The following TCF3 variants were observed in gnomAD, a reference collection of about 807,000 sequenced individuals.
TCF3 encodes transcription factor E2-alpha.
TCF3 carries 54 observed loss-of-function variants against 72.3 expected under a neutral mutation model. The observed-to-expected ratio is 0.75, with a 90% CI of 0.60 to 0.94. The LOEUF (loss-of-function observed/expected upper bound fraction) is 0.94, where lower values mean the gene tolerates loss of function less well. Among genes scored for constraint, TCF3 ranks in the 40% least tolerant of loss-of-function variants. The pLI, the probability that TCF3 is intolerant of heterozygous loss-of-function variation, is 0.00. For missense variants in TCF3, 1,078 were observed against 934.4 expected, an observed-to-expected ratio of 1.15 and a Z score of -2.00; for synonymous variants, 525 against 412.6, an observed-to-expected ratio of 1.27 and a Z score of -3.30.
In TCF3 at chr19:1,611,451, G is replaced by C. The variant is rs2060976856; in HGVS notation, c.*256C>G. The C allele has an allele frequency of 2.1e-6, 1 of 480,800 alleles. No homozygotes were observed. The highest frequency in any genetic ancestry group is 2.0e-5 in the African/African-American group (1 of 50,654). 29.8% of individuals were successfully genotyped at this position (480,800 alleles called of 1,614,324 possible). A position where few individuals can be genotyped will look rare whatever the true frequency, so the allele number is the denominator to read the frequency against. ...CAGGATCCATGGGACAGGTCACAGAGTGACACGGTGGCTGAGATTCGGGGA... is the reference window on the plus strand; with the variant it reads ...CAGGATCCATGGGACAGGTCACAGACTGACACGGTGGCTGAGATTCGGGGA... On this transcript the variant is annotated 3_prime_UTR_variant, in exon 19 of 19. Coordinates refer to ENST00000262965, the MANE Select transcript of TCF3 (RefSeq NM_003200.5).
intron 3 of TCF3, among the ~76,000 whole-genome samples, chr19:1,636,181 T>G (rs2064378674): frequency 6.6e-6 from 1 of 152,070 alleles, no homozygotes; most frequent in Non-Finnish European, 1.5e-5. Flanking sequence ...TTCTTTTGCT[T>G]TGAGACAGGG....
chr19:1,652,280 C>T lies in TCF3; in HGVS notation c.-40+20G>A, dbSNP rs965216894. On this transcript the variant is annotated intron_variant, in intron 1 of 18. Coordinates refer to ENST00000262965, the MANE Select transcript of TCF3 (RefSeq NM_003200.5). ...AGCACGGGGGTACCGGGCGCGCCCC[C>T]CGCCCCCCGCCGGGCTCACCTGCTG... 8 of 146,676 alleles carry T rather than the reference C, an allele frequency of 5.5e-5. No individual in the cohort carries two copies. Among genetic ancestry groups the T allele is most frequent in the African/African-American group, 1.7e-4 (7 of 40,474 alleles). The allele number at this position is 146,676 out of a possible 1,614,324, so 9.1% of individuals were successfully genotyped here. A position where few individuals can be genotyped will look rare whatever the true frequency, so the allele number is the denominator to read the frequency against.
chr19:1,613,111 C>G (rs2061203417), intron 18 of TCF3, among the ~76,000 whole-genome samples: 1 of 152,018 alleles, frequency 6.6e-6, no homozygotes, highest in African/African-American at 2.4e-5. Context: ...AGTGGGGGTA[C>G]ACGGCTGGTG....
At position 1,652,365 on chromosome 19, in the gene TCF3, C is replaced by G. The variant is rs1372355901; in HGVS notation, c.-105G>C. 2.8e-5 allele frequency: 4 copies of G among 143,930 alleles called. No individual in the cohort carries two copies. The highest frequency in any genetic ancestry group is 6.8e-5 in the Admixed American group (1 of 14,642). The allele number at this position is 143,930 out of a possible 1,614,324, so 8.9% of individuals were successfully genotyped here. A position where few individuals can be genotyped will look rare whatever the true frequency, so the allele number is the denominator to read the frequency against. On this transcript the variant is annotated 5_prime_UTR_variant, in exon 1 of 19. Transcript: ENST00000262965. ...GGCGGCATGAAGCGGGGGGGCCCCCCCCCGGACAAAGGTGCGTCGCGGCCG... is the reference window on the plus strand; with the variant it reads ...GGCGGCATGAAGCGGGGGGGCCCCCGCCCGGACAAAGGTGCGTCGCGGCCG...
At chr19:1,620,507 G>A (rs941344705) in intron 13 of TCF3, among the ~76,000 whole-genome samples, 1 of 152,208 alleles carries the variant, frequency 6.6e-6, no homozygotes, top group Non-Finnish European at 1.5e-5. Context: ...CTAGAGTCCA[G>A]GCCACAGCCC....
At position 1,620,989 on chromosome 19, in the gene TCF3, C is replaced by A. The variant is rs2146079662; in HGVS notation, c.1072G>T (p.Gly358Cys). The stretch of plus-strand genomic sequence containing the variant: ...AGACCTGCCAGGCCCTGGGGGGAGC[C>A]CACGGGGGTAGAAGGGCTGGACGAG... ...NFSSSPSTPV[G>C]SPQGLAGTSQ... The change falls in exon 13 of 19, where the codon GGC becomes TGC. Residue 358 changes from glycine to cysteine, a missense_variant. Coordinates refer to ENST00000262965, the MANE Select transcript of TCF3 (RefSeq NM_003200.5). The A allele has an allele frequency of 6.6e-7, 1 of 1,515,908 alleles. No individual in the cohort carries two copies. Among genetic ancestry groups the A allele is most frequent in the East Asian group, 2.5e-5 (1 of 39,580 alleles). 93.9% of individuals were successfully genotyped at this position (1,515,908 alleles called of 1,614,324 possible). A position where few individuals can be genotyped will look rare whatever the true frequency, so the allele number is the denominator to read the frequency against.
At chr19:1,623,356 G>C (rs896181329) in intron 8 of TCF3, among the ~76,000 whole-genome samples, 4 of 151,876 alleles carry the variant, frequency 2.6e-5, no homozygotes, top group African/African-American at 7.3e-5. Context: ...GGATGTAACA[G>C]GGAGCCCCAA....
At chr19:1,625,818 G>A in intron 6 of TCF3, 110 bp from the exon 7 acceptor site, 1 of 1,301,664 alleles carries the variant, frequency 7.7e-7, no homozygotes, top group Non-Finnish European at 1.0e-6. Flanking sequence ...GCCCTGCAGT[G>A]GGTGATGCCC....
At chr19:1,631,520 C>T (rs1454929664) in intron 5 of TCF3, among the ~76,000 whole-genome samples, 3 of 152,072 alleles carry the variant, frequency 2.0e-5, no homozygotes, top group African/African-American at 7.2e-5. Context: ...CCACCCACCT[C>T]GCTCTCCCAA....
intron 16 of TCF3, among the ~76,000 whole-genome samples, chr19:1,618,749 C>G (rs928189021): frequency 6.6e-6 from 1 of 152,250 alleles, no homozygotes; most frequent in Admixed American, 6.5e-5. Flanking sequence ...ACCGCAGCCA[C>G]TTCGTTCCTT....
chr19:1,617,376 G>A (rs183642816), intron 16 of TCF3, among the ~76,000 whole-genome samples: 159 of 152,342 alleles, frequency 1.0e-3, no homozygotes, highest in African/African-American at 3.5e-3. Context: ...AAACCAGCGT[G>A]TAAAGAACAC....
intron 7 of TCF3, among the ~76,000 whole-genome samples, chr19:1,625,240 G>A (rs1322383423): frequency 2.0e-5 from 3 of 152,232 alleles, no homozygotes; most frequent in Non-Finnish European, 4.4e-5. Flanking sequence ...GGATGCCCGC[G>A]TGTGCAGCAG....
intron 2 of TCF3, among the ~76,000 whole-genome samples, chr19:1,647,177 C>G (rs1056848974): frequency 6.6e-6 from 1 of 152,076 alleles, no homozygotes; most frequent in Admixed American, 6.5e-5. Flanking sequence ...CCCGGCTCAC[C>G]CGTACCCAGA....
intron 5 of TCF3, chr19:1,631,803 C>G: frequency 8.9e-7 from 1 of 1,126,832 alleles, no homozygotes. Context: ...AACGGCCTCC[C>G]TGCCTCTACG....
chr19:1,645,945 G>A (rs1568503743), intron 3 of TCF3, among the ~76,000 whole-genome samples: 1 of 152,106 alleles, frequency 6.6e-6, no homozygotes, highest in South Asian at 2.1e-4. Flanking sequence ...TCACAAGGTG[G>A]GTGGGATCCA....
chr19:1,623,952 G>A lies in TCF3; in HGVS notation c.548C>T (p.Ser183Leu), dbSNP rs374988827. The change falls in exon 8 of 19, where the codon TCG becomes TTG. Residue 183 changes from serine to leucine, a missense_variant and splice_region_variant. By Grantham distance (145) the Ser-to-Leu change is moderately radical. Coordinates refer to ENST00000262965, the MANE Select transcript of TCF3 (RefSeq NM_003200.5). ...TCCCTTCTCCCTCGTGCGACTCACCGAGGATGGAAGACCCGGCGGGACCTT... is the reference window on the plus strand; with the variant it reads ...TCCCTTCTCCCTCGTGCGACTCACCAAGGATGGAAGACCCGGCGGGACCTT... ...VRKVPPGLPS[S>L]VYPPSSGEDY... 109 of 1,613,466 alleles carry A rather than the reference G, an allele frequency of 6.8e-5. No individual in the cohort carries two copies. The highest frequency in any genetic ancestry group is 5.5e-4 in the African/African-American group (41 of 75,042).
intron 3 of TCF3, among the ~76,000 whole-genome samples, chr19:1,635,620 A>C (rs763157861): frequency 6.6e-6 from 1 of 152,134 alleles, no homozygotes; most frequent in Non-Finnish European, 1.5e-5. Flanking sequence ...TTACTCATAA[A>C]TAACTGTGCT....
At chr19:1,631,992 G>A (rs112808024) in intron 5 of TCF3, 46 bp downstream of exon 5, 14 of 1,598,380 alleles carry the variant, frequency 8.8e-6, no homozygotes, top group African/African-American at 8.0e-5. Flanking sequence ...GCCCACGTCT[G>A]CACATCTGTG....
intron 3 of TCF3, among the ~76,000 whole-genome samples, chr19:1,642,855 G>T (rs935540554): frequency 6.6e-6 from 1 of 152,220 alleles, no homozygotes; most frequent in African/African-American, 2.4e-5. Flanking sequence ...AATGACCCAT[G>T]CGCCAGGTTC....
Sources: gnomAD v4.1 joint callset for allele counts (sites outside exome capture counted in the v4.1 genomes callset) on GRCh38, gnomAD v4.1.1 for gene constraint, MANE v1.5 for transcripts, NCBI Gene and HGNC (gene_info 2026-07-23, HGNC 2026-07-21) for gene names.